Variants in CNOT2 observed in about 807,000 individuals in gnomAD.
CNOT2 encodes CC chemokine receptor 4-negative regulator of transcription 2.
A neutral mutation model predicts 72.1 loss-of-function variants in CNOT2; 7 were observed. That is an observed-to-expected ratio of 0.10 (90% CI 0.06 to 0.18). The LOEUF (loss-of-function observed/expected upper bound fraction) is 0.18. Among genes scored for constraint, CNOT2 ranks in the 10% least tolerant of loss-of-function variants. The pLI, the probability that CNOT2 is intolerant of heterozygous loss-of-function variation, is 1.00. For missense variants in CNOT2, 345 were observed against 660.3 expected (o/e 0.52, Z 5.23); for synonymous variants, 196 against 225.6 (o/e 0.87, Z 1.17).
At chr12:70,300,449 T>C (rs538451330) in intron 2 of CNOT2, among the ~76,000 whole-genome samples, 2 of 152,360 alleles carry the variant, frequency 1.3e-5, no homozygotes, top group East Asian at 1.9e-4. Flanking sequence ...GCTAGCCAGT[T>C]TTCCCAGCAC....
intron 1 of CNOT2, among the ~76,000 whole-genome samples, chr12:70,271,831 C>G (rs1959275309): frequency 6.6e-6 from 1 of 152,156 alleles, no homozygotes; most frequent in African/African-American, 2.4e-5. Flanking sequence ...AAAGATTCTG[C>G]TATTTATTTG....
At chr12:70,342,445 T>A in intron 13 of CNOT2, 138 bp downstream of exon 13, 1 of 998,320 alleles carries the variant, frequency 1.0e-6, no homozygotes, top group Non-Finnish European at 1.5e-6. Context: ...CATGTTAACT[T>A]GTTAAATGGT....
At chr12:70,284,847 T>A (rs1870589723) in intron 2 of CNOT2, among the ~76,000 whole-genome samples, 1 of 152,250 alleles carries the variant, frequency 6.6e-6, no homozygotes, top group African/African-American at 2.4e-5. Context: ...AGTGAATTGG[T>A]AATTTTTTCA....
At chr12:70,255,692 C>T (rs942245171) in intron 1 of CNOT2, among the ~76,000 whole-genome samples, 2 of 152,078 alleles carry the variant, frequency 1.3e-5, no homozygotes, top group East Asian at 1.9e-4. Flanking sequence ...AAGGCACTTA[C>T]AAGCAAAATA....
intron 2 of CNOT2, among the ~76,000 whole-genome samples, chr12:70,304,048 CTCCA>C (rs1406153244): frequency 6.6e-6 from 1 of 152,234 alleles, no homozygotes; most frequent in Non-Finnish European, 1.5e-5. Context: ...TGGTTTTCAG[CTCCA>C]TCAGGTCCTT....
intron 2 of CNOT2, among the ~76,000 whole-genome samples, chr12:70,280,675 AAAGCCTTAGGAATT>A (rs1187646282): frequency 2.0e-5 from 3 of 152,212 alleles, no homozygotes; most frequent in Non-Finnish European, 4.4e-5. Flanking sequence ...AGACCTGATT[AAAGCCTTAGGAATT>A]AAGTTTAGGA....
chr12:70,343,305 T>C (rs1471860339), intron 13 of CNOT2, among the ~76,000 whole-genome samples: 1 of 152,162 alleles, frequency 6.6e-6, no homozygotes, highest in Non-Finnish European at 1.5e-5. Context: ...AATAACCAAA[T>C]AAGTATTTCG....
chr12:70,310,739 G>A (rs1022666227), intron 2 of CNOT2, among the ~76,000 whole-genome samples, 156 bp from the exon 3 acceptor site: 22 of 152,004 alleles, frequency 1.4e-4, no homozygotes, highest in Admixed American at 1.1e-3. Context: ...GTTATAATCA[G>A]ATTTATGACT....
intron 2 of CNOT2, among the ~76,000 whole-genome samples, chr12:70,293,466 C>G (rs1872290398): frequency 6.6e-6 from 1 of 152,126 alleles, no homozygotes; most frequent in Non-Finnish European, 1.5e-5. Context: ...GCCTGGATTT[C>G]ATATCTTATT....
At chr12:70,294,955 T>TGAGA (rs546254969) in intron 2 of CNOT2, among the ~76,000 whole-genome samples, 12 of 150,904 alleles carry the variant, frequency 8.0e-5, no homozygotes, top group Non-Finnish European at 1.6e-4. Flanking sequence ...TGTGTGTGTG[T>TGAGA]GAGAGAGAGA....
chr12:70,341,629 C>G (rs559509275), intron 11 of CNOT2, among the ~76,000 whole-genome samples: 29 of 152,082 alleles, frequency 1.9e-4, no homozygotes, highest in African/African-American at 6.3e-4. Context: ...ACTGATGTGT[C>G]GTAAGCTCCT....
At chr12:70,265,839 A>G (rs1959012938) in intron 1 of CNOT2, among the ~76,000 whole-genome samples, 1 of 151,886 alleles carries the variant, frequency 6.6e-6, no homozygotes, top group South Asian at 2.1e-4. Flanking sequence ...ATCAGTTCAA[A>G]ATATTTCTAA....
At chr12:70,269,549 A>G (rs1447954593) in intron 1 of CNOT2, among the ~76,000 whole-genome samples, 1 of 152,202 alleles carries the variant, frequency 6.6e-6, no homozygotes, top group Non-Finnish European at 1.5e-5. Context: ...ATGCATATCA[A>G]CACGAAGTCT....
intron 7 of CNOT2, 66 bp downstream of exon 7, chr12:70,332,912 C>A: frequency 1.4e-6 from 2 of 1,473,884 alleles, no homozygotes; most frequent in South Asian, 3.0e-5. Flanking sequence ...TAAAGCAATT[C>A]AACATACTGG....
intron 15 of CNOT2, among the ~76,000 whole-genome samples, chr12:70,346,784 T>G (rs988143229): frequency 1.3e-5 from 2 of 152,220 alleles, no homozygotes; most frequent in Admixed American, 6.5e-5. Context: ...GCGTTAACTA[T>G]GACTATTTCT....
rs958550140 is a variant in CNOT2, at chr12:70,346,024, G to T, written c.1392-156G>T. Reference sequence around the variant, plus strand: ...ATTTTTTCTATATTTCAATGCGGTTGTATTTAATAACTTATAATAAATGAG... The same window carrying T: ...ATTTTTTCTATATTTCAATGCGGTTTTATTTAATAACTTATAATAAATGAG... On this transcript the variant is annotated intron_variant, in intron 14 of 15. Transcript: ENST00000229195. The T allele has an allele frequency of 2.9e-5, 16 of 545,370 alleles. No homozygotes were observed. The South Asian group carries it at 4.4e-4, about 15-fold the overall frequency. 33.8% of individuals were successfully genotyped at this position (545,370 alleles called of 1,614,324 possible).
intron 11 of CNOT2, among the ~76,000 whole-genome samples, chr12:70,340,260 A>G (rs1313311336): frequency 2.0e-5 from 3 of 152,134 alleles, no homozygotes; most frequent in African/African-American, 7.2e-5. Flanking sequence ...CTTGATACAC[A>G]TTCTTGTACT....
intron 2 of CNOT2, among the ~76,000 whole-genome samples, chr12:70,279,919 G>C (rs1697255041): frequency 6.6e-6 from 1 of 152,092 alleles, no homozygotes; most frequent in South Asian, 2.1e-4. Context: ...CCAGGTTTTT[G>C]AGCATACCTG....
intron 4 of CNOT2, among the ~76,000 whole-genome samples, chr12:70,327,872 T>C (rs1879332526): frequency 6.6e-6 from 1 of 151,746 alleles, no homozygotes; most frequent in South Asian, 2.1e-4. Flanking sequence ...CAAAGAAAAA[T>C]GGTGTGCTTT....
Sources: gnomAD v4.1 joint callset for allele counts (sites outside exome capture counted in the v4.1 genomes callset) on GRCh38, gnomAD v4.1.1 for gene constraint, MANE v1.5 for transcripts, NCBI Gene and HGNC (gene_info 2026-07-23, HGNC 2026-07-21) for gene names.